The following ELANE variants were observed in gnomAD, a reference collection of about 807,000 sequenced individuals.
ELANE encodes elastase, neutrophil expressed, also known as neutrophil elastase.
A neutral mutation model predicts 20.6 loss-of-function variants in ELANE; 12 were observed. That is an observed-to-expected ratio of 0.58 (90% CI 0.37 to 0.94). The LOEUF (loss-of-function observed/expected upper bound fraction) is 0.94, where lower values mean the gene tolerates loss of function less well. Among genes scored for constraint, ELANE ranks in the 40% least tolerant of loss-of-function variants. ELANE has a pLI of 0.01. For missense variants in ELANE, 388 were observed against 395.2 expected (o/e 0.98, Z 0.15); for synonymous variants, 203 against 177.4 (o/e 1.14, Z -1.15).
Position 852,378 on chromosome 19 carries a change from C to T in ELANE, c.50C>T (p.Pro17Leu). Residue 17 changes from proline (P) to leucine (L), a missense_variant, in exon 1 of 5, where the codon CCG becomes CTG. Pro to Leu is a moderately conservative substitution (Grantham distance 98, BLOSUM62 -3). This residue lies in a region of ELANE where 58 missense variants were observed against 56.7 expected (regional missense o/e 1.02). Coordinates refer to ENST00000263621, the MANE Select transcript of ELANE (RefSeq NM_001972.4). ...LACLFLACVL[P>L]ALLLGGTALA... ...TGTCTTTTCCTCGCCTGTGTCCTGC[C>T]GGCCTTGCTGCTGGGGGGTGAGTTT... 5.0e-6 allele frequency: 8 copies of T among 1,611,610 alleles called. No homozygotes were observed. The highest frequency in any genetic ancestry group is 2.2e-5 in the East Asian group (1 of 44,830).
At position 855,258 on chromosome 19, in the gene ELANE, T is replaced by C. The variant is rs2035659012; in HGVS notation, c.367-306T>C. On this transcript the variant is annotated intron_variant, in intron 3 of 4. Coordinates refer to ENST00000263621, the MANE Select transcript of ELANE (RefSeq NM_001972.4). The surrounding 1 kb of genome is among the most constrained non-coding windows in gnomAD (Gnocchi z 6.2). ...CTCCTGCCTCGCCCTCCCAAAGTGC[T>C]GGGCTTACAAGCATGAGCCACCGCG... 6.6e-6 allele frequency among the ~76,000 whole-genome samples: 1 copy of C among 152,168 alleles called. No individual in the cohort carries two copies. Among genetic ancestry groups the C allele is most frequent in the African/African-American group, 2.4e-5 (1 of 41,442 alleles).
Position 853,125 on chromosome 19 carries a change from G to A in ELANE, c.224+93G>A, listed in dbSNP as rs1008084594. ...AGGCCGGGGCCGGGGCTGCTGGCGGGGGGGGGTCCGTCCAGGGCCCGCGGG... is the reference window on the plus strand; with the variant it reads ...AGGCCGGGGCCGGGGCTGCTGGCGGAGGGGGGTCCGTCCAGGGCCCGCGGG... On this transcript the variant is annotated intron_variant, in intron 2 of 4. Transcript: ENST00000263621. The A allele has an allele frequency of 1.5e-5, 22 of 1,487,338 alleles. No individual in the cohort carries two copies. The African/African-American group carries it at 2.2e-4, about 15-fold the overall frequency. 92.1% of individuals were successfully genotyped at this position (1,487,338 alleles called of 1,614,324 possible).
rs1568306204 is a variant in ELANE, at chr19:856,108, G to A, written c.748G>A (p.Glu250Lys). 16 of 1,612,998 alleles carry A rather than the reference G, an allele frequency of 9.9e-6. No homozygotes were observed. The highest frequency in any genetic ancestry group is 1.6e-4 in the Middle Eastern group (1 of 6,084). The change falls in exon 5 of 5, where the codon GAG becomes AAG. Residue 250 changes from glutamate (E) to lysine (K), a missense_variant. By Grantham distance (56) the Glu-to-Lys change is moderately conservative. Transcript: ENST00000263621. The stretch of plus-strand genomic sequence containing the variant: ...GATCGACTCTATCATCCAACGCTCC[G>A]AGGACAACCCCTGTCCCCACCCCCG... ...NWIDSIIQRS[E>K]DNPCPHPRDP... is the part of the protein sequence containing the mutation.
chr19:855,863 G>A lies in ELANE; in HGVS notation c.597+69G>A. The A allele has an allele frequency of 6.2e-7, 1 of 1,604,610 alleles. No homozygotes were observed. ...CCGGACTGCAGCAACAGGCACCGTG[G>A]CTAGACCCTAGGAGGGACTTCCCAA... On this transcript the variant is annotated intron_variant, in intron 4 of 4. Coordinates refer to ENST00000263621, the MANE Select transcript of ELANE (RefSeq NM_001972.4). This position sits in a 1 kb window ranked among gnomAD's most constrained non-coding sequence, Gnocchi z 6.2.
intron 2 of ELANE, 90 bp downstream of exon 2, chr19:853,122 C>T (rs867366951): frequency 9.0e-6 from 9 of 995,860 alleles, no homozygotes; most frequent in East Asian, 4.3e-5. Flanking sequence ...GGGCTGCTGG[C>T]GGGGGGGGGT....
chr19:855,877 G>A lies in ELANE; in HGVS notation c.598-81G>A, dbSNP rs1219615304. Reference sequence around the variant, plus strand: ...CAGGCACCGTGGCTAGACCCTAGGAGGGACTTCCCAACCCTGACAGGCGGC... The same window carrying A: ...CAGGCACCGTGGCTAGACCCTAGGAAGGACTTCCCAACCCTGACAGGCGGC... On this transcript the variant is annotated intron_variant, in intron 4 of 4. Coordinates refer to ENST00000263621, the MANE Select transcript of ELANE (RefSeq NM_001972.4). The surrounding 1 kb of genome is among the most constrained non-coding windows in gnomAD (Gnocchi z 6.2). 1 of 1,606,008 alleles carries A rather than the reference G, an allele frequency of 6.2e-7. No homozygotes were observed. The highest frequency in any genetic ancestry group is 1.3e-5 in the African/African-American group (1 of 74,826).
Position 853,344 on chromosome 19 carries a change from C to A in ELANE, c.307C>A (p.Arg103Ser), listed in dbSNP as rs780905514. The A allele has an allele frequency of 1.9e-6, 3 of 1,611,510 alleles. No homozygotes were observed. The South Asian group carries it at 3.3e-5, about 18-fold the overall frequency. Residue 103 changes from arginine (R) to serine (S), a missense_variant, in exon 3 of 5, where the codon CGC (arginine) becomes AGC (serine). By Grantham distance (110) the Arg-to-Ser change is moderately radical. This residue lies in a region of ELANE where 321 missense variants were observed against 309.8 expected (regional missense o/e 1.04). Coordinates refer to ENST00000263621, the MANE Select transcript of ELANE (RefSeq NM_001972.4). ...CACCCGGCAGGTGTTCGCCGTGCAG[C>A]GCATCTTCGAAAACGGCTACGACCC... ...EPTRQVFAVQ[R>S]IFENGYDPVN...
At chr19:853,055 G>T (rs747996292) in intron 2 of ELANE, 23 bp downstream of exon 2, 3 of 1,536,142 alleles carry the variant, frequency 2.0e-6, no homozygotes, top group Non-Finnish European at 2.6e-6. Flanking sequence ...GAGTGTGCGC[G>T]CCCGGCTCGG....
rs773460580 is a variant in ELANE, at chr19:852,338, G to C, written c.10G>C (p.Gly4Arg). Residue 4 changes from glycine to arginine, a missense_variant, in exon 1 of 5, where the codon GGC (glycine) becomes CGC (arginine). This residue lies in a region of ELANE where 58 missense variants were observed against 56.7 expected (regional missense o/e 1.02). Transcript: ENST00000263621. Reference protein sequence around the residue: MTLGRRLACLFLAC... With the variant: MTLRRRLACLFLAC... ...GAGCCCCAGCCCCACCATGACCCTC[G>C]GCCGCCGACTCGCGTGTCTTTTCCT... 6 of 1,609,924 alleles carry C rather than the reference G, an allele frequency of 3.7e-6. No homozygotes were observed. Among genetic ancestry groups the C allele is most frequent in the South Asian group, 1.1e-5 (1 of 90,996 alleles).
intron 1 of ELANE, 100 bp from the exon 2 acceptor site, chr19:852,776 G>GCCCC (rs2035614073): frequency 1.4e-6 from 2 of 1,476,614 alleles, no homozygotes; most frequent in Non-Finnish European, 1.8e-6. Context: ...TCCCGGTGGG[G>GCCCC]GATCCCGTGG....
chr19:853,533 CT>C, intron 3 of ELANE, 130 bp downstream of exon 3: 1 of 1,071,172 alleles, frequency 9.3e-7, no homozygotes, highest in Non-Finnish European at 1.3e-6. Flanking sequence ...GGGTGGTCCC[CT>C]CTCCGCGCCT....
rs200666143 is a variant in ELANE, at chr19:852,349, C to T, written c.21C>T (p.Leu7=). 5.2e-5 allele frequency: 83 copies of T among 1,610,938 alleles called. No individual in the cohort carries two copies. In the East Asian group the frequency reaches 1.6e-3, roughly 31 times the overall value. ...CCACCATGACCCTCGGCCGCCGACT[C>T]GCGTGTCTTTTCCTCGCCTGTGTCC... is the stretch of plus-strand genomic sequence containing the variant. MTLGRR[L]ACLFLACVLP... Residue 7 remains leucine (L), a synonymous_variant, in exon 1 of 5, where the codon CTC becomes CTT. Transcript: ENST00000263621.
chr19:853,233 C>G (rs780393819), intron 2 of ELANE, 29 bp from the exon 3 acceptor site: 3 of 1,567,076 alleles, frequency 1.9e-6, no homozygotes, highest in Non-Finnish European at 2.6e-6. Flanking sequence ...CGGGGCCGCC[C>G]CTGAGCCCCG....
chr19:855,609 C>A lies in ELANE; in HGVS notation c.412C>A (p.Leu138Met). ...TINANVQVAQ[L>M]PAQGRRLGNG... The stretch of plus-strand genomic sequence containing the variant: ...CAACGCCAACGTGCAGGTGGCCCAG[C>A]TGCCGGCTCAGGGACGCCGCCTGGG... Residue 138 changes from leucine to methionine, a missense_variant, in exon 4 of 5, where the codon CTG (leucine) becomes ATG (methionine). Physicochemically the swap from Leu to Met is conservative, Grantham distance 15 (BLOSUM62 2). This residue lies in a region of ELANE where 321 missense variants were observed against 309.8 expected (regional missense o/e 1.04). Transcript: ENST00000263621. This position sits in a 1 kb window ranked among gnomAD's most constrained non-coding sequence, Gnocchi z 6.2. 1.2e-6 allele frequency: 2 copies of A among 1,602,172 alleles called. No individual in the cohort carries two copies. Among genetic ancestry groups the A allele is most frequent in the Non-Finnish European group, 1.7e-6 (2 of 1,179,822 alleles).
intron 3 of ELANE, among the ~76,000 whole-genome samples, chr19:854,737 TA>T (rs1280935614): frequency 5.5e-5 from 8 of 146,366 alleles, no homozygotes; most frequent in Non-Finnish European, 9.0e-5. Context: ...ATAATTATAA[TA>T]ATATTTATAT....
chr19:852,767 C>A, intron 1 of ELANE, 109 bp from the exon 2 acceptor site: 1 of 1,452,044 alleles, frequency 6.9e-7, no homozygotes, highest in Non-Finnish European at 9.1e-7. Flanking sequence ...CCCGTGGGTT[C>A]CCGGTGGGGG....
Position 855,762 on chromosome 19 carries a change from C to T in ELANE, c.565C>T (p.Leu189Phe), listed in dbSNP as rs200592180. The change falls in exon 4 of 5, where the codon CTC becomes TTC. Residue 189 changes from leucine (L) to phenylalanine (F), a missense_variant. Physicochemically the swap from Leu to Phe is conservative, Grantham distance 22 (BLOSUM62 0). This residue lies in a region of ELANE where 321 missense variants were observed against 309.8 expected (regional missense o/e 1.04). Transcript: ENST00000263621. This position sits in a 1 kb window ranked among gnomAD's most constrained non-coding sequence, Gnocchi z 6.2. ...SLCRRSNVCT[L>F]VRGRQAGVCF... ...CTGCCGTCGCAGCAACGTCTGCACT[C>T]TCGTGAGGGGCCGGCAGGCCGGCGT... 2 of 1,609,372 alleles carry T rather than the reference C, an allele frequency of 1.2e-6. No individual in the cohort carries two copies. Among genetic ancestry groups the T allele is most frequent in the Non-Finnish European group, 1.7e-6 (2 of 1,179,952 alleles).
Position 852,918 on chromosome 19 carries a change from G to A in ELANE, c.110G>A (p.Arg37Gln), listed in dbSNP as rs768465551. The A allele has an allele frequency of 5.6e-6, 9 of 1,596,480 alleles. No individual in the cohort carries two copies. The Admixed American group carries it at 6.7e-5, about 12-fold the overall frequency. ...GAGATTGTGGGGGGCCGGCGAGCGC[G>A]GCCCCACGCGTGGCCCTTCATGGTG... ...ASEIVGGRRA[R>Q]PHAWPFMVSL... Residue 37 changes from arginine (R) to glutamine (Q), a missense_variant, in exon 2 of 5, where the codon CGG (arginine) becomes CAG (glutamine). Physicochemically the swap from Arg to Gln is conservative, Grantham distance 43. Around this residue, in one of 3 missense-constraint regions of ELANE, gnomAD observed 58 missense variants for 56.7 expected, o/e 1.02. Coordinates refer to ENST00000263621, the MANE Select transcript of ELANE (RefSeq NM_001972.4).
rs374558615 is a variant in ELANE at position 855,808 on chromosome 19, G to A, written c.597+14G>A. On this transcript the variant is annotated intron_variant, in intron 4 of 4. Transcript: ENST00000263621. The surrounding 1 kb of genome is among the most constrained non-coding windows in gnomAD (Gnocchi z 6.2). ...GGCGTCTGTTTCGTACGTGCCCTGG[G>A]TGTCCCTCTGCTCCCCACCCGCTCC... is the stretch of plus-strand genomic sequence containing the variant. 12 of 1,607,802 alleles carry A rather than the reference G, an allele frequency of 7.5e-6. No homozygotes were observed. Among genetic ancestry groups the A allele is most frequent in the African/African-American group, 1.3e-5 (1 of 74,876 alleles).
Sources: gnomAD v4.1 joint callset for allele counts (sites outside exome capture counted in the v4.1 genomes callset) on GRCh38, gnomAD v4.1.1 for gene constraint, gnomAD v4.1.1 regional missense constraint, Gnocchi (gnomAD v3.1) non-coding constraint, MANE v1.5 for transcripts, NCBI Gene and HGNC (gene_info 2026-07-23, HGNC 2026-07-21) for gene names.